The following ALG6 variants were observed in gnomAD, a reference collection of about 807,000 sequenced individuals.
ALG6 encodes dolichyl pyrophosphate Man9GlcNAc2 alpha-1,3-glucosyltransferase.
A neutral mutation model predicts 66.6 loss-of-function variants in ALG6; 46 were observed. That is an observed-to-expected ratio of 0.69 (90% CI 0.55 to 0.88). ALG6 has a LOEUF of 0.88. Among genes scored for constraint, ALG6 ranks in the 40% least tolerant of loss-of-function variants. The probability of loss-of-function intolerance (pLI) is 0.00; values close to 1 mark genes in which losing one functional copy is unlikely to be tolerated. For missense variants in ALG6, 505 were observed against 586.8 expected, an observed-to-expected ratio of 0.86 and a Z score of 1.44; for synonymous variants, 185 against 203.7, an observed-to-expected ratio of 0.91 and a Z score of 0.78.
intron 2 of ALG6, among the ~76,000 whole-genome samples, chr1:63,391,825 TA>T (rs1310605538): frequency 3.3e-5 from 5 of 152,232 alleles, no homozygotes; most frequent in African/African-American, 1.2e-4. Context: ...TTCAGAGACC[TA>T]AAAATATTGA....
At chr1:63,409,797 T>A (rs1644507393) in intron 7 of ALG6, among the ~76,000 whole-genome samples, 1 of 152,166 alleles carries the variant, frequency 6.6e-6, no homozygotes, top group Non-Finnish European at 1.5e-5. Context: ...CTAGGATAAG[T>A]GGGGAGCAAG....
At chr1:63,381,192 C>T (rs886662682) in intron 2 of ALG6, among the ~76,000 whole-genome samples, 1 of 152,078 alleles carries the variant, frequency 6.6e-6, no homozygotes, top group African/African-American at 2.4e-5. Flanking sequence ...CGGTGGCTCA[C>T]GCCTGTAATC....
chr1:63,370,900 A>C lies in ALG6; in HGVS notation c.-78A>C. ...GTGATAACATTTCTCTGAACAAGAA[A>C]AGAAGTGATTGACCACGTTTTAAAA... is the stretch of plus-strand genomic sequence containing the variant. On this transcript the variant is annotated 5_prime_UTR_variant, in exon 2 of 15. Transcript: ENST00000263440. 1 of 862,830 alleles carries C rather than the reference A, an allele frequency of 1.2e-6. No individual in the cohort carries two copies. The allele number at this position is 862,830 out of a possible 1,614,324, so 53.4% of individuals were successfully genotyped here.
At chr1:63,368,905 CACT>C (rs1647818931) in intron 1 of ALG6, among the ~76,000 whole-genome samples, 1 of 152,086 alleles carries the variant, frequency 6.6e-6, no homozygotes, top group Admixed American at 6.6e-5. Flanking sequence ...ATTTCCTAAC[CACT>C]ACTCAAATCA....
Position 63,433,391 on chromosome 1 carries a change from G to A in ALG6, c.1327-3432G>A, listed in dbSNP as rs1644659064. On this transcript the variant is annotated intron_variant, in intron 14 of 14. Transcript: ENST00000263440. This position sits in a 1 kb window ranked among gnomAD's most constrained non-coding sequence, Gnocchi z 4.2. ...ATTTTATATTTAGATCTTGTAGGAA[G>A]ACAAGGCAGGTATTCTCAGGGCAGA... is the stretch of plus-strand genomic sequence containing the variant. Among the ~76,000 whole-genome samples, 1 of 152,060 alleles carries A rather than the reference G, an allele frequency of 6.6e-6. No individual in the cohort carries two copies. The highest frequency in any genetic ancestry group is 6.5e-5 in the Admixed American group (1 of 15,270).
Position 63,402,294 on chromosome 1 carries a change from T to C in ALG6, c.208T>C (p.Leu70=), listed in dbSNP as rs748752494. The C allele has an allele frequency of 1.2e-6, 2 of 1,612,338 alleles. No homozygotes were observed. The highest frequency in any genetic ancestry group is 1.7e-6 in the Non-Finnish European group (2 of 1,178,632). ...SSDNNLQYWG[L]DYPPLTAYHS... is the part of the protein sequence containing the mutation. ...TGATAACAATTTACAGTATTGGGGA[T>C]TGGATTACCCACCTCTTACAGCTTA... Residue 70 remains leucine, a synonymous_variant, in exon 4 of 15, where the codon TTG becomes CTG. Coordinates refer to ENST00000263440, the MANE Select transcript of ALG6 (RefSeq NM_013339.4).
At chr1:63,400,200 A>AAAG (rs1644440432) in intron 3 of ALG6, among the ~76,000 whole-genome samples, 1 of 47,036 alleles carries the variant, frequency 2.1e-5, no homozygotes, top group Non-Finnish European at 3.3e-5. Flanking sequence ...GTCTCAAAAA[A>AAAG]AAAAAAATAT....
chr1:63,406,308 T>C lies in ALG6; in HGVS notation c.347-9T>C. On this transcript the variant is annotated splice_polypyrimidine_tract_variant and intron_variant, in intron 5 of 14. Coordinates refer to ENST00000263440, the MANE Select transcript of ALG6 (RefSeq NM_013339.4). ...ACTCATGTTTAAAGTTATTTACTTG[T>C]GTTTTCAGTTTTAATTGCTGATCTG... The C allele has an allele frequency of 6.2e-7, 1 of 1,611,900 alleles. No homozygotes were observed. Among genetic ancestry groups the C allele is most frequent in the Non-Finnish European group, 8.5e-7 (1 of 1,178,286 alleles).
chr1:63,381,284 C>T (rs1648293646), intron 2 of ALG6, among the ~76,000 whole-genome samples: 1 of 152,188 alleles, frequency 6.6e-6, no homozygotes, highest in Non-Finnish European at 1.5e-5. Flanking sequence ...GAAACCCCGT[C>T]TCTACTAAAA....
chr1:63,427,079 C>T (rs949132211), intron 12 of ALG6, among the ~76,000 whole-genome samples: 1 of 152,052 alleles, frequency 6.6e-6, no homozygotes, highest in Non-Finnish European at 1.5e-5. Context: ...CGGCTCACTG[C>T]AACCTCCGAC....
Position 63,380,337 on chromosome 1 carries a change from C to T in ALG6, c.82+9278C>T, listed in dbSNP as rs543043050. Among the ~76,000 whole-genome samples the T allele has an allele frequency of 9.2e-4, 140 of 152,220 alleles. No individual in the cohort carries two copies. The Middle Eastern group carries it at 0.01, about 11-fold the overall frequency. ...CAAATGGACATAGCAACTTTCAGGACGTTTGTTCGTGAACGGAAGAAAGGA... is the reference window on the plus strand; with the variant it reads ...CAAATGGACATAGCAACTTTCAGGATGTTTGTTCGTGAACGGAAGAAAGGA... On this transcript the variant is annotated intron_variant, in intron 2 of 14. Transcript: ENST00000263440.
intron 7 of ALG6, among the ~76,000 whole-genome samples, chr1:63,408,216 A>G (rs980246139): frequency 2.0e-5 from 3 of 152,018 alleles, no homozygotes; most frequent in East Asian, 1.9e-4. Context: ...TACTAATCCT[A>G]TAGTTTTCCC....
At chr1:63,406,645 G>A (rs1273583678) in intron 6 of ALG6, among the ~76,000 whole-genome samples, 4 of 152,036 alleles carry the variant, frequency 2.6e-5, no homozygotes, top group Admixed American at 6.6e-5. Context: ...TGCTGAATTT[G>A]TTACTTTACT....
intron 11 of ALG6, among the ~76,000 whole-genome samples, chr1:63,417,312 A>G (rs746895599): frequency 9.9e-5 from 15 of 152,240 alleles, no homozygotes; most frequent in Non-Finnish European, 1.8e-4. Flanking sequence ...GAGTTTGGGT[A>G]ACTTTAGCAG....
chr1:63,437,528 A>G lies in ALG6; in HGVS notation c.*508A>G, dbSNP rs1332871094. ...ACTGTTTAGAAGTCATATCTTAGGG[A>G]ATTAAATTTGTGATAATCTTTTTAA... On this transcript the variant is annotated 3_prime_UTR_variant, in exon 15 of 15. Transcript: ENST00000263440. 6.5e-6 allele frequency: 1 copy of G among 153,314 alleles called. No homozygotes were observed. The highest frequency in any genetic ancestry group is 1.5e-5 in the Non-Finnish European group (1 of 68,904). 9.5% of individuals were successfully genotyped at this position (153,314 alleles called of 1,614,324 possible).
Position 63,411,926 on chromosome 1 carries a change from GT to G in ALG6, c.684del (p.Phe228LeufsTer4), listed in dbSNP as rs2100421533. The G allele has an allele frequency of 1.9e-6, 3 of 1,614,026 alleles. No homozygotes were observed. The highest frequency in any genetic ancestry group is 2.5e-6 in the Non-Finnish European group (3 of 1,179,946). ...CFKKGLKGKG[F>X]VLLVKLACIV... Reference sequence around the variant, plus strand: ...CTGCCTACCTTTGTTTTTGTTTTAGGTTTGTGTTGCTAGTTAAGCTAGCTTG... The same window carrying G: ...CTGCCTACCTTTGTTTTTGTTTTAGGTTGTGTTGCTAGTTAAGCTAGCTTG... On this transcript the variant is annotated frameshift_variant and splice_region_variant, in exon 9 of 15. Coordinates refer to ENST00000263440, the MANE Select transcript of ALG6 (RefSeq NM_013339.4). LOFTEE classifies it high-confidence loss of function.
intron 7 of ALG6, among the ~76,000 whole-genome samples, chr1:63,409,763 A>T (rs188175046): frequency 6.6e-6 from 1 of 151,974 alleles, no homozygotes; most frequent in East Asian, 1.9e-4. Context: ...CCTGCATATG[A>T]CTTCTATATA....
intron 9 of ALG6, among the ~76,000 whole-genome samples, chr1:63,413,063 A>G (rs1424878472): frequency 1.3e-5 from 2 of 152,156 alleles, no homozygotes; most frequent in African/African-American, 4.8e-5. Flanking sequence ...TGTTATAACC[A>G]CCACTTAGCA....
chr1:63,417,828 A>G (rs1644552519), intron 11 of ALG6, among the ~76,000 whole-genome samples: 2 of 152,048 alleles, frequency 1.3e-5, no homozygotes, highest in South Asian at 4.1e-4. Context: ...TCTGGGAGTA[A>G]TGAGTGCTAT....
Sources: gnomAD v4.1 joint callset for allele counts (sites outside exome capture counted in the v4.1 genomes callset) on GRCh38, gnomAD v4.1.1 for gene constraint, Gnocchi (gnomAD v3.1) non-coding constraint, MANE v1.5 for transcripts, NCBI Gene and HGNC (gene_info 2026-07-23, HGNC 2026-07-21) for gene names.